NCBP1: variants seen among roughly 807,000 people sequenced by gnomAD.
NCBP1 encodes nuclear cap binding protein subunit 1.
A neutral mutation model predicts 111.7 loss-of-function variants in NCBP1; 16 were observed. The observed-to-expected ratio is 0.14, with a 90% confidence interval of 0.10 to 0.22. The LOEUF (loss-of-function observed/expected upper bound fraction) is 0.22. NCBP1 is among the 10% of genes least tolerant of loss of function. The pLI is 1.00. For synonymous variants in NCBP1, 304 were observed against 314.3 expected, an observed-to-expected ratio of 0.97 and a Z score of 0.35; for missense variants, 607 against 957.5, an observed-to-expected ratio of 0.63 and a Z score of 4.83.
intron 19 of NCBP1, among the ~76,000 whole-genome samples, chr9:97,666,173 T>C (rs1359178373): frequency 1.3e-5 from 2 of 152,210 alleles, no homozygotes; most frequent in African/African-American, 2.4e-5. Flanking sequence ...AAAACACTTA[T>C]GCAACAAACA....
chr9:97,657,638 A>G lies in NCBP1; in HGVS notation c.1374-1002A>G, dbSNP rs1440633688. Among the ~76,000 whole-genome samples the G allele has an allele frequency of 2.6e-5, 4 of 152,020 alleles. No homozygotes were observed. In the East Asian group the frequency reaches 7.7e-4, roughly 29 times the overall value. On this transcript the variant is annotated intron_variant, in intron 14 of 22. Transcript: ENST00000375147. ...TTACTCTGTTCTTCATCAGATCTCC[A>G]TCCTGCTTTTAGCAGCTACCACTAA...
intron 6 of NCBP1, 67 bp downstream of exon 6, chr9:97,645,799 T>C: frequency 6.4e-7 from 1 of 1,552,564 alleles, no homozygotes; most frequent in Non-Finnish European, 8.8e-7. Context: ...GTGATACCAT[T>C]TGAGTTTCTC....
chr9:97,666,526 G>C (rs1024732593), intron 19 of NCBP1, among the ~76,000 whole-genome samples: 1 of 152,188 alleles, frequency 6.6e-6, no homozygotes, highest in Non-Finnish European at 1.5e-5. Flanking sequence ...TAAGAAAAAT[G>C]ACTACACAGT....
intron 1 of NCBP1, among the ~76,000 whole-genome samples, chr9:97,636,434 A>T (rs1421590865): frequency 1.3e-5 from 2 of 148,266 alleles, no homozygotes; most frequent in African/African-American, 2.5e-5. Context: ...CTATATATAG[A>T]GTGTGTGTAT....
chr9:97,652,223 T>C (rs1214333083), intron 10 of NCBP1, among the ~76,000 whole-genome samples: 2 of 152,204 alleles, frequency 1.3e-5, no homozygotes, highest in African/African-American at 4.8e-5. Context: ...AGGCTGGTCT[T>C]GAACTCCTGA....
At chr9:97,661,303 T>C (rs1048856663) in intron 16 of NCBP1, among the ~76,000 whole-genome samples, 1 of 152,196 alleles carries the variant, frequency 6.6e-6, no homozygotes, top group Admixed American at 6.5e-5. Context: ...AAGTGAAATA[T>C]GTTACCATTC....
intron 1 of NCBP1, among the ~76,000 whole-genome samples, chr9:97,637,721 A>C (rs1049017475): frequency 2.0e-5 from 3 of 152,236 alleles, no homozygotes; most frequent in African/African-American, 7.2e-5. Flanking sequence ...CAGTGTGCTT[A>C]AGGTTTAAAA....
intron 13 of NCBP1, 44 bp from the exon 14 acceptor site, chr9:97,655,967 G>A: frequency 6.5e-7 from 1 of 1,546,454 alleles, no homozygotes; most frequent in Non-Finnish European, 8.9e-7. Context: ...GGGTGTAAGT[G>A]CAGATTATAT....
At chr9:97,647,822 A>T (rs1827388787) in intron 7 of NCBP1, among the ~76,000 whole-genome samples, 186 bp from the exon 8 acceptor site, 1 of 152,250 alleles carries the variant, frequency 6.6e-6, no homozygotes, top group East Asian at 1.9e-4. Flanking sequence ...GAAAAATGTC[A>T]AAACAGACAG....
At chr9:97,659,949 C>T (rs1827784310) in intron 15 of NCBP1, among the ~76,000 whole-genome samples, 1 of 152,148 alleles carries the variant, frequency 6.6e-6, no homozygotes, top group Non-Finnish European at 1.5e-5. Context: ...CTTGACTTTG[C>T]CATTACCCCA....
Position 97,634,122 on chromosome 9 carries a change from G to A in NCBP1, c.34+207G>A, listed in dbSNP as rs1036796370. ...CCCGCCCCAGTTCTTTGAGTCAAGG[G>A]CCGATCCTCGGGAAAGAAGGCCTGG... is the stretch of plus-strand genomic sequence containing the variant. On this transcript the variant is annotated intron_variant, in intron 1 of 22. Transcript: ENST00000375147. Among the ~76,000 whole-genome samples the A allele has an allele frequency of 3.3e-5, 5 of 152,258 alleles. No homozygotes were observed. In the South Asian group the frequency reaches 8.3e-4, roughly 25 times the overall value.
intron 8 of NCBP1, among the ~76,000 whole-genome samples, chr9:97,649,762 A>G (rs1291953890): frequency 2.0e-5 from 3 of 150,628 alleles, no homozygotes; most frequent in Non-Finnish European, 1.5e-5. Flanking sequence ...GTGCAGGGGA[A>G]ACTAGAATGG....
chr9:97,636,637 CATATATATATATATATATATATAT>C lies in NCBP1; in HGVS notation c.34+2736_34+2759del, dbSNP rs377027165. On this transcript the variant is annotated intron_variant, in intron 1 of 22. Transcript: ENST00000375147. ...AGAAGCAAGCATATGGAAAGTAATACATATATATATATATATATATATATATATATATATATAAAATCATTTATT... is the reference window on the plus strand; with the variant it reads ...AGAAGCAAGCATATGGAAAGTAATACATATATATATATAAAATCATTTATT... Among the ~76,000 whole-genome samples the C allele has an allele frequency of 2.8e-4, 31 of 111,272 alleles. 1 individual carries two copies. Among genetic ancestry groups the C allele is most frequent in the Non-Finnish European group, 4.0e-4 (22 of 54,542 alleles). The allele number at this position is 111,272 out of a possible 152,430, so 73.0% of individuals were successfully genotyped here.
Position 97,641,659 on chromosome 9 carries a change from C to T in NCBP1, c.221C>T (p.Thr74Ile), listed in dbSNP as rs1186113285. The change falls in exon 3 of 23, where the codon ACA (threonine) becomes ATA (isoleucine). Residue 74 changes from threonine to isoleucine, a missense_variant. By Grantham distance (89) the Thr-to-Ile change is moderately conservative. Around this residue, in one of 9 missense-constraint regions of NCBP1, gnomAD observed 185 missense variants for 272.0 expected, o/e 0.68. Transcript: ENST00000375147. The stretch of plus-strand genomic sequence containing the variant: ...AGCAAGATCTTAAGGCTTCTTTGTA[C>T]AGTGTATGTATGCAAAAGATTTATG... ...YKSKILRLLC[T>I]VARLLPEKLT... is the part of the protein sequence containing the mutation. 1.9e-6 allele frequency: 3 copies of T among 1,603,560 alleles called. No individual in the cohort carries two copies. The highest frequency in any genetic ancestry group is 2.2e-5 in the South Asian group (2 of 90,628).
chr9:97,646,306 C>G (rs1271303220), intron 6 of NCBP1, among the ~76,000 whole-genome samples: 2 of 152,146 alleles, frequency 1.3e-5, no homozygotes, highest in African/African-American at 4.8e-5. Flanking sequence ...ACTCATCTCT[C>G]CTAAGCCAAT....
intron 15 of NCBP1, among the ~76,000 whole-genome samples, 185 bp downstream of exon 15, chr9:97,658,928 G>T (rs1740118627): frequency 6.6e-6 from 1 of 152,176 alleles, no homozygotes; most frequent in African/African-American, 2.4e-5. Flanking sequence ...GGATTTGGTT[G>T]TGATAAAATT....
chr9:97,634,008 TCTC>T, intron 1 of NCBP1, 93 bp downstream of exon 1: 3 of 1,381,278 alleles, frequency 2.2e-6, no homozygotes, highest in Non-Finnish European at 2.9e-6. Flanking sequence ...TGGAAGCTCT[TCTC>T]CCCGGGAACG....
rs549873338 is a variant in NCBP1, at chr9:97,671,418, T to C, written c.*219T>C. On this transcript the variant is annotated 3_prime_UTR_variant, in exon 23 of 23. Transcript: ENST00000375147. ...ATGTGACTATGACCATGATATATTA[T>C]ATATGTGACAGATACAAATTCTCTG... 2 of 460,012 alleles carry C rather than the reference T, an allele frequency of 4.3e-6. No individual in the cohort carries two copies. Among genetic ancestry groups the C allele is most frequent in the South Asian group, 2.8e-5 (1 of 35,252 alleles). 28.5% of individuals were successfully genotyped at this position (460,012 alleles called of 1,614,324 possible).
At chr9:97,649,519 T>G (rs1827440443) in intron 8 of NCBP1, among the ~76,000 whole-genome samples, 1 of 152,210 alleles carries the variant, frequency 6.6e-6, no homozygotes. Flanking sequence ...TATGGTAAAG[T>G]GCTAATGACC....
Sources: allele counts gnomAD v4.1 joint callset (sites outside exome capture counted in the v4.1 genomes callset), GRCh38; gene constraint gnomAD v4.1.1; regional missense constraint gnomAD v4.1.1; transcripts MANE v1.5; gene names NCBI Gene and HGNC (gene_info 2026-07-23, HGNC 2026-07-21).